TMEM154: variants seen among roughly 807,000 people sequenced by gnomAD.
The protein encoded by TMEM154 is transmembrane protein 154.
TMEM154 carries 27 observed loss-of-function variants against 24.5 expected under a neutral mutation model. The ratio of observed to expected loss-of-function variants is 1.10; its 90% confidence interval spans 0.81 to 1.52. The LOEUF is 1.52. Among genes scored for constraint, TMEM154 ranks in the 40% most tolerant of loss-of-function variants. The pLI is 0.00. For synonymous variants in TMEM154, 67 were observed against 76.8 expected (o/e 0.87, Z 0.67); for missense variants, 228 against 213.4 (o/e 1.07, Z -0.43).
At position 152,675,567 on chromosome 4, in the gene TMEM154, C is replaced by T. The variant is rs573796873; in HGVS notation, c.64+4303G>A. Among the ~76,000 whole-genome samples, 7 of 151,914 alleles carry T rather than the reference C, an allele frequency of 4.6e-5. No homozygotes were observed. In the South Asian group the frequency reaches 1.2e-3, roughly 27 times the overall value. On this transcript the variant is annotated intron_variant, in intron 1 of 6. Transcript: ENST00000304385. ...GCTTGAACCCACAAGGCAGAGGTTGCGGTGAGCCAAGATCGTGCCATTGCA... is the reference window on the plus strand; with the variant it reads ...GCTTGAACCCACAAGGCAGAGGTTGTGGTGAGCCAAGATCGTGCCATTGCA...
At chr4:152,648,541 G>A (rs983752645) in intron 3 of TMEM154, among the ~76,000 whole-genome samples, 1 of 152,192 alleles carries the variant, frequency 6.6e-6, no homozygotes, top group Admixed American at 6.5e-5. Context: ...AGGGATGGCA[G>A]TTTGCCAAGC....
intron 3 of TMEM154, chr4:152,646,960 C>T (rs1248681324): frequency 7.1e-6 from 5 of 704,190 alleles, no homozygotes; most frequent in African/African-American, 1.7e-5. Flanking sequence ...AGACCTCACA[C>T]ATCAAGACAC....
At chr4:152,631,135 C>A (rs1054711858) in intron 6 of TMEM154, among the ~76,000 whole-genome samples, 1 of 152,172 alleles carries the variant, frequency 6.6e-6, no homozygotes, top group African/African-American at 2.4e-5. Context: ...AAATTATATA[C>A]AATTTTAAAG....
Position 152,621,948 on chromosome 4 carries a change from G to C in TMEM154, c.*6598C>G, listed in dbSNP as rs1438607016. On this transcript the variant is annotated 3_prime_UTR_variant, in exon 7 of 7. Coordinates refer to ENST00000304385, the MANE Select transcript of TMEM154 (RefSeq NM_152680.3). Reference sequence around the variant, plus strand: ...TTCTCCTGCCTCAGCCTCCCGAATAGCTGGGATTACAGGCGACAGCCACCA... The same window carrying C: ...TTCTCCTGCCTCAGCCTCCCGAATACCTGGGATTACAGGCGACAGCCACCA... The C allele has an allele frequency of 2.0e-5, 3 of 152,154 alleles. No homozygotes were observed. In the South Asian group the frequency reaches 6.2e-4, roughly 32 times the overall value. 9.4% of individuals were successfully genotyped at this position (152,154 alleles called of 1,614,324 possible). A position where few individuals can be genotyped will look rare whatever the true frequency, so the allele number is the denominator to read the frequency against.
rs919615722 is a variant in TMEM154, at chr4:152,619,496, T to C, written c.*9050A>G. On this transcript the variant is annotated 3_prime_UTR_variant, in exon 7 of 7. Coordinates refer to ENST00000304385, the MANE Select transcript of TMEM154 (RefSeq NM_152680.3). Reference sequence around the variant, plus strand: ...CAAGGACAAGTGGGGTTTATGTCCTTTCCACCTTGAACCTAGGTAGACTTT... The same window carrying C: ...CAAGGACAAGTGGGGTTTATGTCCTCTCCACCTTGAACCTAGGTAGACTTT... 2.6e-5 allele frequency: 4 copies of C among 152,210 alleles called. No homozygotes were observed. Among genetic ancestry groups the C allele is most frequent in the African/African-American group, 9.6e-5 (4 of 41,458 alleles). The allele number at this position is 152,210 out of a possible 1,614,324, so 9.4% of individuals were successfully genotyped here. A position where few individuals can be genotyped will look rare whatever the true frequency, so the allele number is the denominator to read the frequency against.
Position 152,640,930 on chromosome 4 carries a change from T to C in TMEM154, c.534A>G (p.Pro178=), listed in dbSNP as rs750320952. The C allele has an allele frequency of 6.2e-7, 1 of 1,602,460 alleles. No homozygotes were observed. The highest frequency in any genetic ancestry group is 8.5e-7 in the Non-Finnish European group (1 of 1,173,534). Residue 178 remains proline, a splice_region_variant and synonymous_variant, in exon 6 of 7, where the codon CCA becomes CCG. Transcript: ENST00000304385. ...LKEEKESNHN[P]SDSES ...TCTGTGGTAGAAATGAGAAGTACCT[T>C]GGGTTGTGATTTGATTCCTTCTCTT...
At chr4:152,645,934 TACACACACACACACACACACAC>T (rs10545647) in intron 3 of TMEM154, among the ~76,000 whole-genome samples, 3 of 140,568 alleles carry the variant, frequency 2.1e-5, no homozygotes, top group South Asian at 2.4e-4. Context: ...GAAAGGAGAA[TACACACACACACACACACACAC>T]ACACACACAC....
intron 6 of TMEM154, among the ~76,000 whole-genome samples, chr4:152,638,432 C>T (rs35834129): frequency 0.093 from 14,161 of 152,134 alleles, 800 homozygotes; most frequent in African/African-American, 0.15. Context: ...AAGAAACCAC[C>T]AGGGAACACA....
At chr4:152,647,340 C>A in intron 3 of TMEM154, 1 of 984,834 alleles carries the variant, frequency 1.0e-6, no homozygotes, top group Non-Finnish European at 1.2e-6. Flanking sequence ...GAAAAAAAAT[C>A]AAATTTTGCT....
At position 152,624,614 on chromosome 4, in the gene TMEM154, TA is replaced by T. The variant is rs1166739958; in HGVS notation, c.*3931del. ...AGACCCCGTCTCAAAAAAAGAAAAA[TA>T]AAAAAAAACACCCAAAAACTATCCC... is the stretch of plus-strand genomic sequence containing the variant. On this transcript the variant is annotated 3_prime_UTR_variant, in exon 7 of 7. Transcript: ENST00000304385. 1.4e-5 allele frequency: 2 copies of T among 147,348 alleles called. No homozygotes were observed. The highest frequency in any genetic ancestry group is 3.0e-5 in the Non-Finnish European group (2 of 66,488). The allele number at this position is 147,348 out of a possible 1,614,324, so 9.1% of individuals were successfully genotyped here. A position where few individuals can be genotyped will look rare whatever the true frequency, so the allele number is the denominator to read the frequency against.
chr4:152,663,298 C>A (rs1728652349), intron 1 of TMEM154, among the ~76,000 whole-genome samples: 1 of 152,110 alleles, frequency 6.6e-6, no homozygotes, highest in Admixed American at 6.5e-5. Flanking sequence ...ACTTCCTTAT[C>A]TAAATTTGGG....
Position 152,628,149 on chromosome 4 carries a change from C to T in TMEM154, c.*397G>A, listed in dbSNP as rs753809961. On this transcript the variant is annotated 3_prime_UTR_variant, in exon 7 of 7. Coordinates refer to ENST00000304385, the MANE Select transcript of TMEM154 (RefSeq NM_152680.3). ...GGTTACTGACCCAAAAGGAAACCAT[C>T]GATAAAACAGCTTCCTGATTTAGGC... 2.4e-5 allele frequency: 5 copies of T among 212,180 alleles called. No homozygotes were observed. The highest frequency in any genetic ancestry group is 1.0e-4 in the South Asian group (1 of 10,006). The allele number at this position is 212,180 out of a possible 1,614,324, so 13.1% of individuals were successfully genotyped here.
rs949183325 is a variant in TMEM154, at chr4:152,627,399, G to C, written c.*1147C>G. The C allele has an allele frequency of 2.6e-5, 4 of 152,218 alleles. No individual in the cohort carries two copies. The highest frequency in any genetic ancestry group is 9.6e-5 in the African/African-American group (4 of 41,452). The allele number at this position is 152,218 out of a possible 1,614,324, so 9.4% of individuals were successfully genotyped here. A position where few individuals can be genotyped will look rare whatever the true frequency, so the allele number is the denominator to read the frequency against. The stretch of plus-strand genomic sequence containing the variant: ...TCTCAATTTGCTAGATTGCTTTAAA[G>C]GGGTCAGATTTAGAAAATTAAGGAA... On this transcript the variant is annotated 3_prime_UTR_variant, in exon 7 of 7. Coordinates refer to ENST00000304385, the MANE Select transcript of TMEM154 (RefSeq NM_152680.3).
intron 1 of TMEM154, among the ~76,000 whole-genome samples, chr4:152,673,360 G>A (rs1012834101): frequency 1.9e-4 from 29 of 152,130 alleles, no homozygotes; most frequent in African/African-American, 6.5e-4. Context: ...GAGTGAAGTG[G>A]CACAATCTCA....
At chr4:152,667,027 CG>C (rs1288872283) in intron 1 of TMEM154, 3 of 152,258 alleles carry the variant, frequency 2.0e-5, no homozygotes, top group Non-Finnish European at 4.4e-5. Flanking sequence ...CATTTCCAAA[CG>C]GTACTAACTT....
chr4:152,674,328 G>A (rs79542778), intron 1 of TMEM154, among the ~76,000 whole-genome samples: 12 of 15,582 alleles, frequency 7.7e-4, no homozygotes, highest in Middle Eastern at 0.056. Flanking sequence ...AGAAAAAAAA[G>A]TCACTGAAAT....
chr4:152,629,787 C>A (rs1001749428), intron 6 of TMEM154, among the ~76,000 whole-genome samples: 2 of 152,042 alleles, frequency 1.3e-5, no homozygotes, highest in African/African-American at 4.8e-5. Flanking sequence ...AAAAGGACTT[C>A]GGAGCAACTG....
intron 1 of TMEM154, among the ~76,000 whole-genome samples, chr4:152,671,906 C>A (rs1728848148): frequency 6.6e-6 from 1 of 151,816 alleles, no homozygotes; most frequent in Admixed American, 6.6e-5. Flanking sequence ...CCAGGTTGGG[C>A]AGATAGGTCT....
chr4:152,651,841 C>T (rs536305437), intron 3 of TMEM154, among the ~76,000 whole-genome samples: 2 of 152,354 alleles, frequency 1.3e-5, no homozygotes, highest in South Asian at 4.1e-4. Context: ...AAGGCTTAAT[C>T]ATTTCTAGCT....
Sources: gnomAD v4.1 joint callset for allele counts (sites outside exome capture counted in the v4.1 genomes callset) on GRCh38, gnomAD v4.1.1 for gene constraint, MANE v1.5 for transcripts, NCBI Gene and HGNC (gene_info 2026-07-23, HGNC 2026-07-21) for gene names.